TMPRSS9: variants seen among roughly 807,000 people sequenced by gnomAD.
The protein encoded by TMPRSS9 is transmembrane serine protease 9.
A neutral mutation model predicts 111.4 loss-of-function variants in TMPRSS9; 113 were observed. That is an observed-to-expected ratio of 1.01 (90% CI 0.87 to 1.19). The LOEUF (loss-of-function observed/expected upper bound fraction) is 1.19. TMPRSS9 is among the 50% of genes most tolerant of loss of function. The probability of loss-of-function intolerance (pLI) is 0.00; values close to 1 mark genes in which losing one functional copy is unlikely to be tolerated. For missense variants in TMPRSS9, 1,803 were observed against 1,513.1 expected (o/e 1.19, Z -3.18); for synonymous variants, 805 against 659.1 (o/e 1.22, Z -3.39).
In TMPRSS9 at chr19:2,390,253, T is replaced by G. The variant is rs892574092; in HGVS notation, c.142+326T>G. Among the ~76,000 whole-genome samples the G allele has an allele frequency of 2.9e-3, 360 of 125,236 alleles. 9 individuals are homozygous for G. The highest frequency in any genetic ancestry group is 1.7e-3 in the Non-Finnish European group (94 of 56,352). 82.2% of individuals were successfully genotyped at this position (125,236 alleles called of 152,430 possible). ...GTAGTTTTTTTTTTTGTTTTTTTTT[T>G]TTTTTGAGACGGAGTCTCTCTCTGT... On this transcript the variant is annotated intron_variant, in intron 1 of 17. Coordinates refer to ENST00000648592, the Ensembl canonical transcript of TMPRSS9.
intron 15 of TMPRSS9, among the ~76,000 whole-genome samples, chr19:2,424,534 G>GCC (rs879741232): frequency 1.4e-3 from 188 of 134,182 alleles, no homozygotes; most frequent in African/African-American, 4.4e-3. Context: ...GGAAGCTGCG[G>GCC]CCCCCCCCCT....
chr19:2,391,362 G>GTTTTTTTTTTTTTTTTTTTTT (rs372470176), intron 1 of TMPRSS9, among the ~76,000 whole-genome samples: 1 of 142,744 alleles, frequency 7.0e-6, no homozygotes, highest in Non-Finnish European at 1.5e-5. Context: ...ATCCTCCTAG[G>GTTTTTTTTTTTTTTTTTTTTT]TTTTTTTTTT....
intron 1 of TMPRSS9, among the ~76,000 whole-genome samples, chr19:2,369,950 G>T (rs560990102): frequency 6.6e-6 from 1 of 152,134 alleles, no homozygotes; most frequent in East Asian, 1.9e-4. Context: ...GCTCATGCCT[G>T]TAATCCCAGC....
At chr19:2,416,076 C>T (rs1449544103) in intron 11 of TMPRSS9, among the ~76,000 whole-genome samples, 1 of 152,074 alleles carries the variant, frequency 6.6e-6, no homozygotes, top group Non-Finnish European at 1.5e-5. Flanking sequence ...ACCCAGGCAG[C>T]GTTTATCTTG....
intron 1 of TMPRSS9, among the ~76,000 whole-genome samples, chr19:2,367,385 A>G (rs1241667307): frequency 6.6e-6 from 1 of 152,052 alleles, no homozygotes; most frequent in African/African-American, 2.4e-5. Flanking sequence ...CCTGTCACAT[A>G]GAAAATGCTT....
At chr19:2,402,951 G>A in intron 5 of TMPRSS9, 131 bp from the exon 7 acceptor site, 2 of 684,562 alleles carry the variant, frequency 2.9e-6, no homozygotes, top group Non-Finnish European at 5.1e-6. Flanking sequence ...TAAAAACAAG[G>A]AAAAGGAAAG....
chr19:2,419,214 CTT>C (rs1599315459), intron 13 of TMPRSS9, among the ~76,000 whole-genome samples: 2 of 132,566 alleles, frequency 1.5e-5, no homozygotes, highest in East Asian at 4.4e-4. Context: ...CTCTCTGTTT[CTT>C]TCTTTCTGAC....
rs1599291332 is a variant in TMPRSS9, at chr19:2,396,382, A to G, written c.143-157A>G. The G allele has an allele frequency of 9.9e-6, 8 of 809,296 alleles. No homozygotes were observed. In the East Asian group the frequency reaches 2.1e-4, roughly 21 times the overall value. 50.1% of individuals were successfully genotyped at this position (809,296 alleles called of 1,614,324 possible). A position where few individuals can be genotyped will look rare whatever the true frequency, so the allele number is the denominator to read the frequency against. On this transcript the variant is annotated intron_variant, in intron 1 of 17. Transcript: ENST00000648592. Reference sequence around the variant, plus strand: ...TTGAGGGAGAGCCCTGTGAGTAGCTATTCAGGGCTATCACGGGGGCGTCGA... The same window carrying G: ...TTGAGGGAGAGCCCTGTGAGTAGCTGTTCAGGGCTATCACGGGGGCGTCGA...
intron 1 of TMPRSS9, among the ~76,000 whole-genome samples, chr19:2,377,461 T>TCTTCC (rs1970346060): frequency 1.7e-5 from 1 of 58,818 alleles, no homozygotes; most frequent in African/African-American, 9.9e-5. Context: ...TCCCCTCCCC[T>TCTTCC]CTCCCCTCTC....
At position 2,416,595 on chromosome 19, in the gene TMPRSS9, C is replaced by T. The variant is rs766170841; in HGVS notation, c.1803C>T (p.Gly601=). 101 of 1,612,072 alleles carry T rather than the reference C, an allele frequency of 6.3e-5. No individual in the cohort carries two copies. The highest frequency in any genetic ancestry group is 1.6e-4 in the Middle Eastern group (1 of 6,084). The stretch of plus-strand genomic sequence containing the variant: ...GCACTGCGTCCCTCCTGGGCCTGGG[C>T]GGGAGCCCGGTGAAGATCGGGCTGC... Residue 601 remains glycine (G), a synonymous_variant, in exon 12 of 18, where the codon GGC becomes GGT. Coordinates refer to ENST00000648592, the Ensembl canonical transcript of TMPRSS9.
intron 9 of TMPRSS9, among the ~76,000 whole-genome samples, chr19:2,412,260 T>C (rs12608953): frequency 0.13 from 20,096 of 151,884 alleles, 1,564 homozygotes; most frequent in East Asian, 0.26. Flanking sequence ...AAAAATTAGC[T>C]GGGTTTGGTG....
rs539461924 is a variant in TMPRSS9, at chr19:2,403,251, T to G, written c.670+56T>G. 1.2e-4 allele frequency: 167 copies of G among 1,402,132 alleles called. No homozygotes were observed. The African/African-American group carries it at 1.8e-3, about 15-fold the overall frequency. The allele number at this position is 1,402,132 out of a possible 1,614,324, so 86.9% of individuals were successfully genotyped here. A position where few individuals can be genotyped will look rare whatever the true frequency, so the allele number is the denominator to read the frequency against. ...GCCCCTTCCCTTTTCCAGGGTCAGC[T>G]GCTGGCTCTGGTCTGTGGTCACTGT... On this transcript the variant is annotated intron_variant, in intron 6 of 17. Coordinates refer to ENST00000648592, the Ensembl canonical transcript of TMPRSS9.
chr19:2,384,156 T>A (rs1157357719), intron 1 of TMPRSS9, among the ~76,000 whole-genome samples: 3 of 152,092 alleles, frequency 2.0e-5, no homozygotes, highest in African/African-American at 7.2e-5. Context: ...TTCTGTGGGT[T>A]TCTAATGGGG....
intron 1 of TMPRSS9, among the ~76,000 whole-genome samples, chr19:2,366,456 A>G (rs1033849698): frequency 2.0e-5 from 3 of 152,230 alleles, no homozygotes; most frequent in Admixed American, 2.0e-4. Flanking sequence ...AATTTAGCCA[A>G]TTAAAACAAC....
intron 10 of TMPRSS9, among the ~76,000 whole-genome samples, chr19:2,415,078 G>A (rs1216240203): frequency 6.6e-6 from 1 of 151,176 alleles, no homozygotes; most frequent in Non-Finnish European, 1.5e-5. Context: ...CTGAATAGCT[G>A]GGATTACAGG....
At chr19:2,379,631 T>TTCTC (rs1164765527) in intron 1 of TMPRSS9, among the ~76,000 whole-genome samples, 2 of 144,158 alleles carry the variant, frequency 1.4e-5, no homozygotes, top group Admixed American at 7.0e-5. Context: ...CTTTCTTTCT[T>TTCTC]TCTTTCTTTC....
At chr19:2,388,663 C>G (rs147218576), upstream of TMPRSS9, among the ~76,000 whole-genome samples, 1,581 of 152,234 alleles carry the variant, frequency 0.01, 32 homozygotes, top group African/African-American at 0.036. Flanking sequence ...CTCTGTCACC[C>G]AGGCTGGAGT....
exon 8 of TMPRSS9, chr19:2,408,615 C>T: frequency 2.5e-6 from 4 of 1,611,244 alleles, no homozygotes; most frequent in Non-Finnish European, 2.5e-6. Flanking sequence ...CTGGGGCTAC[C>T]TCAAGGAGGA....
At chr19:2,376,067 C>A (rs1407110879) in intron 1 of TMPRSS9, among the ~76,000 whole-genome samples, 1 of 152,120 alleles carries the variant, frequency 6.6e-6, no homozygotes, top group Non-Finnish European at 1.5e-5. Flanking sequence ...GCTGCTGGAA[C>A]AAGATGGGCC....
Sources: allele counts gnomAD v4.1 joint callset (sites outside exome capture counted in the v4.1 genomes callset), GRCh38; gene constraint gnomAD v4.1.1; transcripts MANE v1.5; gene names NCBI Gene and HGNC (gene_info 2026-07-23, HGNC 2026-07-21).